The following STAT1 variants were observed in gnomAD, a reference collection of about 807,000 sequenced individuals.
STAT1 encodes signal transducer and activator of transcription 1-alpha/beta.
In STAT1, 24 loss-of-function variants were observed where a neutral mutation model predicts 111.7. That is an observed-to-expected ratio of 0.21 (90% CI 0.16 to 0.30). The LOEUF is 0.30. STAT1 is among the 10% of genes least tolerant of loss of function. STAT1 has a pLI of 1.00. For synonymous variants in STAT1, 332 were observed against 326.5 expected, an observed-to-expected ratio of 1.02 and a Z score of -0.18; for missense variants, 351 against 911.9, an observed-to-expected ratio of 0.38 and a Z score of 7.92.
chr2:190,990,177 G>T lies in STAT1; in HGVS notation c.1038-503C>A, dbSNP rs1260547316. On this transcript the variant is annotated intron_variant, in intron 11 of 24. Transcript: ENST00000361099. This position sits in a 1 kb window ranked among gnomAD's most constrained non-coding sequence, Gnocchi z 5.1. Reference sequence around the variant, plus strand: ...AAAGATGGAGGGCAGGTGAGAGGGTGTACCTCTGCTCCACTGAGCTGGAGA... The same window carrying T: ...AAAGATGGAGGGCAGGTGAGAGGGTTTACCTCTGCTCCACTGAGCTGGAGA... 6.6e-6 allele frequency among the ~76,000 whole-genome samples: 1 copy of T among 152,190 alleles called. No individual in the cohort carries two copies. Among genetic ancestry groups the T allele is most frequent in the Non-Finnish European group, 1.5e-5 (1 of 68,032 alleles).
intron 5 of STAT1, among the ~76,000 whole-genome samples, chr2:191,005,878 AG>A (rs1232534147): frequency 5.3e-5 from 8 of 152,220 alleles, no homozygotes; most frequent in African/African-American, 1.9e-4. Context: ...CACCCCAAGA[AG>A]GCTTTGCAAA....
chr2:190,990,148 A>G lies in STAT1; in HGVS notation c.1038-474T>C, dbSNP rs11887698. Among the ~76,000 whole-genome samples, 42,140 of 152,116 alleles carry G rather than the reference A, an allele frequency of 0.28. 7,909 individuals carry two copies. Among genetic ancestry groups the G allele is most frequent in the African/African-American group, 0.5 (20,798 of 41,438 alleles). ...CCATCTATAGTCACCCCAGGGTAGC[A>G]TGGAAAGATGGAGGGCAGGTGAGAG... On this transcript the variant is annotated intron_variant, in intron 11 of 24. Transcript: ENST00000361099. This position sits in a 1 kb window ranked among gnomAD's most constrained non-coding sequence, Gnocchi z 5.1.
At position 190,982,348 on chromosome 2, in the gene STAT1, A is replaced by G; in HGVS notation, c.1582+35T>C. 1 of 1,612,676 alleles carries G rather than the reference A, an allele frequency of 6.2e-7. No individual in the cohort carries two copies. The highest frequency in any genetic ancestry group is 8.5e-7 in the Non-Finnish European group (1 of 1,178,950). ...TAGAGAGATATTTTTATGAATTTCA[A>G]TTTTTATAAACATAACAAGTTAATA... On this transcript the variant is annotated intron_variant, in intron 18 of 24. Coordinates refer to ENST00000361099, the MANE Select transcript of STAT1 (RefSeq NM_007315.4). This position sits in a 1 kb window ranked among gnomAD's most constrained non-coding sequence, Gnocchi z 7.3.
At chr2:190,994,375 C>T (rs542284973) in intron 10 of STAT1, among the ~76,000 whole-genome samples, 1 of 152,034 alleles carries the variant, frequency 6.6e-6, no homozygotes, top group Admixed American at 6.5e-5. Context: ...TGCTCTGGGA[C>T]AGCACTGGTC....
In STAT1 at chr2:190,998,190, A is replaced by T; in HGVS notation, c.633+27T>A. 6.3e-7 allele frequency: 1 copy of T among 1,598,408 alleles called. No individual in the cohort carries two copies. Among genetic ancestry groups the T allele is most frequent in the Admixed American group, 1.7e-5 (1 of 60,026 alleles). ...ATTTACAGTGTATAACAAAAGTGGC[A>T]TGCTATTCTGGAAAGTAAATAACTA... On this transcript the variant is annotated intron_variant, in intron 8 of 24. Transcript: ENST00000361099. The surrounding 1 kb of genome is among the most constrained non-coding windows in gnomAD (Gnocchi z 4.1).
rs1693834897 is a variant in STAT1 at position 190,996,079 on chromosome 2, G to T, written c.786-860C>A. ...AGACAGAGATGGGAGACAAGGCCGG[G>T]GACAGGAAGAGAGGAAGGAATGATG... is the stretch of plus-strand genomic sequence containing the variant. On this transcript the variant is annotated intron_variant, in intron 9 of 24. Coordinates refer to ENST00000361099, the MANE Select transcript of STAT1 (RefSeq NM_007315.4). The surrounding 1 kb of genome is among the most constrained non-coding windows in gnomAD (Gnocchi z 4.5). 6.6e-6 allele frequency among the ~76,000 whole-genome samples: 1 copy of T among 152,114 alleles called. No individual in the cohort carries two copies. Among genetic ancestry groups the T allele is most frequent in the Non-Finnish European group, 1.5e-5 (1 of 68,006 alleles).
chr2:191,009,870 C>T lies in STAT1; in HGVS notation c.128+6G>A. The stretch of plus-strand genomic sequence containing the variant: ...CTTCTTCTTCTGTCTAGTGAATTTT[C>T]CTTACCAGTCTTGCTTTTCTAACCA... On this transcript the variant is annotated splice_donor_region_variant and intron_variant, in intron 3 of 24. Transcript: ENST00000361099. 1.2e-6 allele frequency: 2 copies of T among 1,613,730 alleles called. No individual in the cohort carries two copies. The highest frequency in any genetic ancestry group is 2.2e-5 in the South Asian group (2 of 91,052).
At position 190,974,148 on chromosome 2, in the gene STAT1, C is replaced by T. The variant is rs563736384; in HGVS notation, c.2238+682G>A. 6.6e-6 allele frequency among the ~76,000 whole-genome samples: 1 copy of T among 152,296 alleles called. No individual in the cohort carries two copies. The highest frequency in any genetic ancestry group is 1.9e-4 in the East Asian group (1 of 5,190). The stretch of plus-strand genomic sequence containing the variant: ...CAGCAAAAATCCAGCCAAGCAAGCA[C>T]AATCTTTAAGAGGAAGGATTTTAGG... On this transcript the variant is annotated intron_variant, in intron 24 of 24. Coordinates refer to ENST00000361099, the MANE Select transcript of STAT1 (RefSeq NM_007315.4). The surrounding 1 kb of genome is among the most constrained non-coding windows in gnomAD (Gnocchi z 4.8).
intron 3 of STAT1, 54 bp downstream of exon 3, chr2:191,009,822 A>G: frequency 6.2e-7 from 1 of 1,609,288 alleles, no homozygotes; most frequent in African/African-American, 1.3e-5. Flanking sequence ...TCACTTAATC[A>G]ACCAGTACTT....
Position 190,984,206 on chromosome 2 carries a change from A to C in STAT1, c.1347+104T>G. The C allele has an allele frequency of 1.1e-6, 1 of 950,096 alleles. No individual in the cohort carries two copies. The highest frequency in any genetic ancestry group is 1.7e-6 in the Non-Finnish European group (1 of 601,078). 58.9% of individuals were successfully genotyped at this position (950,096 alleles called of 1,614,324 possible). On this transcript the variant is annotated intron_variant, in intron 16 of 24. Coordinates refer to ENST00000361099, the MANE Select transcript of STAT1 (RefSeq NM_007315.4). This position sits in a 1 kb window ranked among gnomAD's most constrained non-coding sequence, Gnocchi z 5.2. ...AGCTGAAAAAGATCATTTTAAAACA[A>C]TTAGGTAAATACCTCCAGAACAAAC...
chr2:190,972,852 T>TGTGA (rs1553491673), intron 24 of STAT1, among the ~76,000 whole-genome samples: 11 of 142,346 alleles, frequency 7.7e-5, no homozygotes, highest in Admixed American at 1.4e-4. Flanking sequence ...TGTGTGTGTG[T>TGTGA]GAAATGGATT....
In STAT1 at chr2:190,999,812, A is replaced by T. The variant is rs1041932596; in HGVS notation, c.463-108T>A. On this transcript the variant is annotated intron_variant, in intron 6 of 24. Coordinates refer to ENST00000361099, the MANE Select transcript of STAT1 (RefSeq NM_007315.4). This position sits in a 1 kb window ranked among gnomAD's most constrained non-coding sequence, Gnocchi z 4.1. Reference sequence around the variant, plus strand: ...CCCAGAGAAACACGAAAACAATTCCATCTCCCCCAAAAAGAGATCTGACTT... The same window carrying T: ...CCCAGAGAAACACGAAAACAATTCCTTCTCCCCCAAAAAGAGATCTGACTT... The T allele has an allele frequency of 6.6e-6, 5 of 761,966 alleles. No homozygotes were observed. Among genetic ancestry groups the T allele is most frequent in the Middle Eastern group, 2.5e-4 (1 of 4,004 alleles). The allele number at this position is 761,966 out of a possible 1,614,324, so 47.2% of individuals were successfully genotyped here.
chr2:191,005,361 A>G (rs1294203394), intron 5 of STAT1, among the ~76,000 whole-genome samples: 1 of 152,248 alleles, frequency 6.6e-6, no homozygotes, highest in Non-Finnish European at 1.5e-5. Flanking sequence ...ACCACATAAC[A>G]ATGGTTCAGT....
intron 2 of STAT1, 39 bp downstream of exon 2, chr2:191,013,486 C>G (rs1695298349): frequency 2.5e-6 from 1 of 396,890 alleles, no homozygotes; most frequent in Admixed American, 4.4e-5. Context: ...ATTCCGAAGT[C>G]ATGTACTCAT....
At position 190,984,949 on chromosome 2, in the gene STAT1, C is replaced by A. The variant is rs953534439; in HGVS notation, c.1264-556G>T. ...GACCCAGGGAGGTCAAAACATAGTT[C>A]AGGCGCACACCAGGGCTAGAAGGCA... On this transcript the variant is annotated intron_variant, in intron 15 of 24. Transcript: ENST00000361099. This position sits in a 1 kb window ranked among gnomAD's most constrained non-coding sequence, Gnocchi z 5.2. Among the ~76,000 whole-genome samples the A allele has an allele frequency of 6.6e-6, 1 of 152,214 alleles. No individual in the cohort carries two copies. The highest frequency in any genetic ancestry group is 1.5e-5 in the Non-Finnish European group (1 of 68,034).
Position 191,007,226 on chromosome 2 carries a change from T to C in STAT1, c.372+337A>G, listed in dbSNP as rs1041576862. Among the ~76,000 whole-genome samples the C allele has an allele frequency of 1.3e-5, 2 of 152,208 alleles. No individual in the cohort carries two copies. The highest frequency in any genetic ancestry group is 4.8e-5 in the African/African-American group (2 of 41,442). On this transcript the variant is annotated intron_variant, in intron 5 of 24. Transcript: ENST00000361099. The surrounding 1 kb of genome is among the most constrained non-coding windows in gnomAD (Gnocchi z 4.2). ...CTCTATCTGCCTGCTTCCATTCCTG[T>C]GCCAGCAACTCAGAGGCCTTTCCTG...
At position 190,999,999 on chromosome 2, in the gene STAT1, T is replaced by A. The variant is rs559730512; in HGVS notation, c.463-295A>T. On this transcript the variant is annotated intron_variant, in intron 6 of 24. Transcript: ENST00000361099. This position sits in a 1 kb window ranked among gnomAD's most constrained non-coding sequence, Gnocchi z 4.1. ...GATTCTTCCTCATCATTTTTGAGAC[T>A]ACCTCTGAGATATGATTTAAGAACT... Among the ~76,000 whole-genome samples, 6 of 152,338 alleles carry A rather than the reference T, an allele frequency of 3.9e-5. No homozygotes were observed. Among genetic ancestry groups the A allele is most frequent in the African/African-American group, 1.4e-4 (6 of 41,578 alleles).
At position 191,000,029 on chromosome 2, in the gene STAT1, T is replaced by C. The variant is rs1694150183; in HGVS notation, c.463-325A>G. 6.6e-6 allele frequency among the ~76,000 whole-genome samples: 1 copy of C among 152,228 alleles called. No homozygotes were observed. Among genetic ancestry groups the C allele is most frequent in the South Asian group, 2.1e-4 (1 of 4,836 alleles). ...CTGAGATATGATTTAAGAACTCCAC[T>C]GTGAAGCCCACAGCAGGCGGGGAAA... On this transcript the variant is annotated intron_variant, in intron 6 of 24. Transcript: ENST00000361099. The surrounding 1 kb of genome is among the most constrained non-coding windows in gnomAD (Gnocchi z 4.8).
chr2:191,013,726 GA>G (rs1559028207), intron 1 of STAT1, 48 bp from the exon 2 acceptor site: 4 of 398,604 alleles, frequency 1.0e-5, no homozygotes, highest in Non-Finnish European at 1.8e-5. Context: ...GGAAACGGGA[GA>G]AAGTGACGGT....
Sources: allele counts gnomAD v4.1 joint callset (sites outside exome capture counted in the v4.1 genomes callset), GRCh38; gene constraint gnomAD v4.1.1; non-coding constraint Gnocchi (gnomAD v3.1); transcripts MANE v1.5; gene names NCBI Gene and HGNC (gene_info 2026-07-23, HGNC 2026-07-21).